Variants in ST8SIA2 observed in about 807,000 individuals in gnomAD.
ST8SIA2 encodes the protein alpha-2,8-sialyltransferase 8B.
A neutral mutation model predicts 37.6 loss-of-function variants in ST8SIA2; 22 were observed. That is an observed-to-expected ratio of 0.58 (90% CI 0.42 to 0.83). The LOEUF (loss-of-function observed/expected upper bound fraction) is 0.83, where lower values mean the gene tolerates loss of function less well. Ranked by LOEUF, ST8SIA2 falls within the 40% of genes least tolerant of loss-of-function variation. The pLI, the probability that ST8SIA2 is intolerant of heterozygous loss-of-function variation, is 0.00. For missense variants in ST8SIA2, 382 were observed against 484.7 expected, an observed-to-expected ratio of 0.79 and a Z score of 1.99; for synonymous variants, 205 against 201.2, an observed-to-expected ratio of 1.02 and a Z score of -0.16.
At chr15:92,454,367 A>G (rs2049904162) in intron 5 of ST8SIA2, among the ~76,000 whole-genome samples, 1 of 151,950 alleles carries the variant, frequency 6.6e-6, no homozygotes, top group Middle Eastern at 3.2e-3. Flanking sequence ...CACCCTAGTG[A>G]CCTAATTTTA....
At chr15:92,437,452 C>T (rs2049766787) in intron 3 of ST8SIA2, among the ~76,000 whole-genome samples, 2 of 152,150 alleles carry the variant, frequency 1.3e-5, no homozygotes, top group African/African-American at 4.8e-5. Context: ...TGATTCGATT[C>T]GAGAACTTTC....
intron 5 of ST8SIA2, among the ~76,000 whole-genome samples, chr15:92,451,323 G>A (rs146088816): frequency 6.8e-4 from 104 of 152,284 alleles, no homozygotes; most frequent in Middle Eastern, 3.4e-3. Context: ...ACGGCAGGCA[G>A]CAACGCATCA....
intron 5 of ST8SIA2, among the ~76,000 whole-genome samples, chr15:92,459,993 C>G (rs920254618): frequency 2.0e-5 from 3 of 152,178 alleles, no homozygotes; most frequent in African/African-American, 4.8e-5. Context: ...TCACGATGCC[C>G]CAGTCCTCAC....
chr15:92,398,344 G>A (rs555118024), intron 1 of ST8SIA2, among the ~76,000 whole-genome samples: 10 of 152,198 alleles, frequency 6.6e-5, no homozygotes, highest in Non-Finnish European at 1.2e-4. Context: ...GTAACCCAAT[G>A]TCCTAATCCT....
At chr15:92,423,814 C>A (rs989270935) in intron 1 of ST8SIA2, among the ~76,000 whole-genome samples, 1 of 152,216 alleles carries the variant, frequency 6.6e-6, no homozygotes, top group Non-Finnish European at 1.5e-5. Flanking sequence ...TTGAAGGGAA[C>A]GAAACATTCA....
intron 1 of ST8SIA2, among the ~76,000 whole-genome samples, chr15:92,407,002 A>G (rs1256491545): frequency 2.0e-5 from 3 of 149,804 alleles, no homozygotes; most frequent in Non-Finnish European, 4.4e-5. Flanking sequence ...CTCAAAAAAA[A>G]AAAAAAGAAA....
chr15:92,462,529 A>G (rs3784723), intron 5 of ST8SIA2, among the ~76,000 whole-genome samples: 8,817 of 152,326 alleles, frequency 0.058, 540 homozygotes, highest in East Asian at 0.33. Flanking sequence ...ACTAAATCAT[A>G]TTAAACAGTT....
chr15:92,396,586 C>G (rs575746801), intron 1 of ST8SIA2, among the ~76,000 whole-genome samples: 102 of 152,058 alleles, frequency 6.7e-4, no homozygotes, highest in African/African-American at 2.3e-3. Context: ...CTCCGCCTCC[C>G]GGGTTCAAGC....
chr15:92,402,918 G>A (rs2049482165), intron 1 of ST8SIA2, among the ~76,000 whole-genome samples: 2 of 152,112 alleles, frequency 1.3e-5, no homozygotes. Flanking sequence ...TCAAGGCCTG[G>A]AGGAATTTTC....
chr15:92,457,717 A>G (rs2049929662), intron 5 of ST8SIA2, among the ~76,000 whole-genome samples: 1 of 152,226 alleles, frequency 6.6e-6, no homozygotes, highest in African/African-American at 2.4e-5. Context: ...TTGTTCCTGT[A>G]TAACTCAGTC....
chr15:92,445,937 G>T (rs1188514269), intron 5 of ST8SIA2, among the ~76,000 whole-genome samples: 4 of 152,098 alleles, frequency 2.6e-5, no homozygotes, highest in Non-Finnish European at 5.9e-5. Context: ...CAGTAAATTG[G>T]CTAGGAATTT....
chr15:92,434,117 A>G, intron 2 of ST8SIA2, 130 bp from the exon 3 acceptor site: 2 of 1,258,760 alleles, frequency 1.6e-6, no homozygotes, highest in East Asian at 2.3e-5. Context: ...TTCTCTTCTC[A>G]GGTAATAACT....
intron 5 of ST8SIA2, among the ~76,000 whole-genome samples, chr15:92,452,272 G>A (rs1431306221): frequency 1.3e-5 from 2 of 152,194 alleles, no homozygotes; most frequent in African/African-American, 4.8e-5. Context: ...CAGACCTGGT[G>A]AATCAGAAAC....
At chr15:92,463,957 G>A in intron 5 of ST8SIA2, 143 bp from the exon 6 acceptor site, 1 of 1,197,792 alleles carries the variant, frequency 8.3e-7, no homozygotes, top group Admixed American at 2.7e-5. Flanking sequence ...CCTCTGTGGA[G>A]GGAACCAGGG....
At chr15:92,419,891 G>T (rs560292811) in intron 1 of ST8SIA2, among the ~76,000 whole-genome samples, 1 of 152,318 alleles carries the variant, frequency 6.6e-6, no homozygotes, top group Admixed American at 6.5e-5. Context: ...CTTTGAGATA[G>T]AGTCTCGCTC....
intron 1 of ST8SIA2, among the ~76,000 whole-genome samples, chr15:92,425,556 G>A (rs1174421075): frequency 6.6e-6 from 1 of 152,208 alleles, no homozygotes; most frequent in Non-Finnish European, 1.5e-5. Context: ...ATGAAGCAAT[G>A]ACTGCCACGA....
chr15:92,425,710 G>A (rs1240983998), intron 1 of ST8SIA2, among the ~76,000 whole-genome samples: 4 of 152,140 alleles, frequency 2.6e-5, no homozygotes, highest in African/African-American at 9.7e-5. Flanking sequence ...GGCCAGAGCG[G>A]GTCTAGGATT....
chr15:92,444,704 A>T lies in ST8SIA2; in HGVS notation c.617A>T (p.Asn206Ile). The stretch of plus-strand genomic sequence containing the variant: ...CTCAAGACAGACCTGGTAACCATGA[A>T]CCCCTCGGTCATCCAGCGGGCCTTT... The part of the protein sequence containing the change: ...VGLKTDLVTM[N>I]PSVIQRAFED... Residue 206 changes from asparagine (N) to isoleucine (I), a missense_variant, in exon 5 of 6, where the codon AAC (asparagine) becomes ATC (isoleucine). Coordinates refer to ENST00000268164, the MANE Select transcript of ST8SIA2 (RefSeq NM_006011.4). The T allele has an allele frequency of 1.2e-6, 2 of 1,614,204 alleles. No homozygotes were observed. Among genetic ancestry groups the T allele is most frequent in the Non-Finnish European group, 1.7e-6 (2 of 1,180,012 alleles).
rs3784725 is a variant in ST8SIA2, at chr15:92,461,068, C to T, written c.843-3032C>T. On this transcript the variant is annotated intron_variant, in intron 5 of 5. Transcript: ENST00000268164. ...AGGGGCATGAAATGGGCCTTTCAAA[C>T]GAGACATTTAGCCCAGAGCTCAGAG... Among the ~76,000 whole-genome samples, 12 of 152,276 alleles carry T rather than the reference C, an allele frequency of 7.9e-5. No homozygotes were observed. In the East Asian group the frequency reaches 1.2e-3, roughly 15 times the overall value.
Sources: allele counts gnomAD v4.1 joint callset (sites outside exome capture counted in the v4.1 genomes callset), GRCh38; gene constraint gnomAD v4.1.1; transcripts MANE v1.5; gene names NCBI Gene and HGNC (gene_info 2026-07-23, HGNC 2026-07-21).